SPPL2B: variants seen among roughly 807,000 people sequenced by gnomAD.
SPPL2B encodes signal peptide peptidase-like 2B.
Under a neutral mutation model 59.7 loss-of-function variants are expected in SPPL2B, and 39 were observed. The ratio of observed to expected loss-of-function variants is 0.65; its 90% confidence interval spans 0.51 to 0.85. The LOEUF (loss-of-function observed/expected upper bound fraction) is 0.85. SPPL2B is among the 40% of genes least tolerant of loss of function. SPPL2B has a pLI of 0.00. For missense variants in SPPL2B, 865 were observed against 849.0 expected (o/e 1.02, Z -0.23); for synonymous variants, 419 against 370.8 (o/e 1.13, Z -1.49).
chr19:2,348,404 C>T (rs1368791459), intron 13 of SPPL2B, among the ~76,000 whole-genome samples: 2 of 102,262 alleles, frequency 2.0e-5, no homozygotes, highest in Non-Finnish European at 4.0e-5. Context: ...CACAGACTCA[C>T]GCGCTCTCAT....
intron 1 of SPPL2B, chr19:2,330,886 A>T (rs1320481795): frequency 2.0e-5 from 3 of 152,200 alleles, no homozygotes. Flanking sequence ...GTGAGAGAGC[A>T]GGTGTTCCTG....
intron 5 of SPPL2B, chr19:2,339,559 A>C: frequency 1.7e-6 from 1 of 590,714 alleles, no homozygotes; most frequent in South Asian, 2.0e-5. Context: ...TGCAGATCCA[A>C]GCTGCGGTTG....
chr19:2,339,917 G>T lies in SPPL2B; in HGVS notation c.693G>T (p.Val231=). 6.4e-7 allele frequency: 1 copy of T among 1,570,636 alleles called. No individual in the cohort carries two copies. The highest frequency in any genetic ancestry group is 2.4e-5 in the East Asian group (1 of 42,528). ...VTPVMTCVFV[V]MCCSMLVLLY... is the part of the protein sequence containing the mutation. Reference sequence around the variant, plus strand: ...CGGTGATGACCTGCGTGTTTGTGGTGATGTGCTGCTCCATGCTGGTGCTGC... The same window carrying T: ...CGGTGATGACCTGCGTGTTTGTGGTTATGTGCTGCTCCATGCTGGTGCTGC... The change falls in exon 6 of 15, where the codon GTG becomes GTT. Residue 231 remains valine (V), a synonymous_variant. Transcript: ENST00000613503.
rs201257802 is a variant in SPPL2B at position 2,337,521 on chromosome 19, C to A, written c.265C>A (p.Gln89Lys). Reference sequence around the variant, plus strand: ...CCTCCCCGCCCGTGGCTTCAGCAACCAGATCCCGCTGGTGGCGCGGGGGAA... The same window carrying A: ...CCTCCCCGCCCGTGGCTTCAGCAACAAGATCCCGCTGGTGGCGCGGGGGAA... ...ADLPARGFSN[Q>K]IPLVARGNCT... Residue 89 changes from glutamine (Q) to lysine (K), a missense_variant, in exon 3 of 15, where the codon CAG becomes AAG. Transcript: ENST00000613503. 1,564 of 1,613,192 alleles carry A rather than the reference C, an allele frequency of 9.7e-4. 1 individual carries two copies. Among genetic ancestry groups the A allele is most frequent in the Middle Eastern group, 2.1e-3 (13 of 6,080 alleles).
At chr19:2,329,409 A>G (rs1447263458) in intron 1 of SPPL2B, among the ~76,000 whole-genome samples, 1 of 152,230 alleles carries the variant, frequency 6.6e-6, no homozygotes, top group African/African-American at 2.4e-5. Flanking sequence ...ACCAGCGCCC[A>G]GGGCCAACAG....
chr19:2,344,186 AC>A (rs1262688056), intron 10 of SPPL2B, 147 bp downstream of exon 10: 1 of 268,680 alleles, frequency 3.7e-6, no homozygotes, highest in Non-Finnish European at 7.0e-6. Flanking sequence ...CCTGCCCCCC[AC>A]CCCATCACCC....
intron 2 of SPPL2B, 109 bp downstream of exon 2, chr19:2,334,830 G>A: frequency 1.5e-6 from 2 of 1,370,232 alleles, no homozygotes; most frequent in South Asian, 1.5e-5. Context: ...CGAGAGGCAG[G>A]CCCTGACCAG....
chr19:2,346,084 A>G (rs984665916), intron 13 of SPPL2B, among the ~76,000 whole-genome samples: 1 of 152,166 alleles, frequency 6.6e-6, no homozygotes, highest in Non-Finnish European at 1.5e-5. Context: ...GTATTTACGC[A>G]AAGTGCTGTT....
Position 2,343,296 on chromosome 19 carries a change from A to T in SPPL2B, c.1038+4A>T. 4 of 1,551,666 alleles carry T rather than the reference A, an allele frequency of 2.6e-6. No individual in the cohort carries two copies. The highest frequency in any genetic ancestry group is 3.5e-6 in the Non-Finnish European group (4 of 1,147,060). On this transcript the variant is annotated splice_donor_region_variant and intron_variant, in intron 9 of 14. Transcript: ENST00000613503. ...CATCCGTCTGCCCACCTTCAAGGTG[A>T]GTGCAGGGAGGGCACGGCTGCGGGG... is the stretch of plus-strand genomic sequence containing the variant.
In SPPL2B at chr19:2,353,072, G is replaced by A; in HGVS notation, c.1642G>A (p.Glu548Lys). 6.2e-7 allele frequency: 1 copy of A among 1,611,892 alleles called. No homozygotes were observed. Among genetic ancestry groups the A allele is most frequent in the Non-Finnish European group, 8.5e-7 (1 of 1,179,568 alleles). Reference protein sequence around the residue: ...EEPATSPWPAEQSPKSRTSEE... With the variant: ...EEPATSPWPAKQSPKSRTSEE... ...ACCAGCCACATCCCCCTGGCCTGCT[G>A]AGCAGTCCCCAAAATCACGCACGTC... The change falls in exon 15 of 15, where the codon GAG (glutamate) becomes AAG (lysine). Residue 548 changes from glutamate to lysine, a missense_variant. By Grantham distance (56) the Glu-to-Lys change is moderately conservative. Coordinates refer to ENST00000613503, the MANE Select transcript of SPPL2B (RefSeq NM_152988.3).
chr19:2,337,473 T>TC lies in SPPL2B; in HGVS notation c.220dup (p.Leu74ProfsTer29). 6.2e-7 allele frequency: 1 copy of TC among 1,611,638 alleles called. No homozygotes were observed. The highest frequency in any genetic ancestry group is 8.5e-7 in the Non-Finnish European group (1 of 1,178,704). On this transcript the variant is annotated frameshift_variant, in exon 3 of 15. Transcript: ENST00000613503. LOFTEE classifies it high-confidence loss of function. ...CCTGCAGCTGCGCAACTGGACGGCC[T>TC]CCCTGCTCTGCTCCGCAGCCGACCT...
intron 7 of SPPL2B, 84 bp from the exon 8 acceptor site, chr19:2,340,814 G>A: frequency 4.0e-6 from 3 of 753,004 alleles, no homozygotes; most frequent in South Asian, 1.7e-5. Context: ...TGCAGGGGGT[G>A]CCTGGGCCGG....
In SPPL2B at chr19:2,345,230, C is replaced by T. The variant is rs778995016; in HGVS notation, c.1277-23C>T. ...CTGAGGCTCTGCGGGCCCGAGTAAG[C>T]CTCCGCCCTGTGCCTCCCCCAGGGC... On this transcript the variant is annotated intron_variant, in intron 12 of 14. Coordinates refer to ENST00000613503, the MANE Select transcript of SPPL2B (RefSeq NM_152988.3). 2.5e-6 allele frequency: 4 copies of T among 1,610,018 alleles called. No homozygotes were observed. In the Admixed American group the frequency reaches 5.0e-5, roughly 20 times the overall value.
Position 2,353,597 on chromosome 19 carries a change from G to C in SPPL2B, c.*388G>C, listed in dbSNP as rs570904332. 1 of 214,370 alleles carries C rather than the reference G, an allele frequency of 4.7e-6. No homozygotes were observed. The highest frequency in any genetic ancestry group is 1.3e-4 in the East Asian group (1 of 7,532). The allele number at this position is 214,370 out of a possible 1,614,324, so 13.3% of individuals were successfully genotyped here. On this transcript the variant is annotated 3_prime_UTR_variant, in exon 15 of 15. Coordinates refer to ENST00000613503, the MANE Select transcript of SPPL2B (RefSeq NM_152988.3). ...TGCTCACCAGCTGCTTCGGCCTTCA[G>C]GTGACCTCCCTCCCCACGGCATCCT... is the stretch of plus-strand genomic sequence containing the variant.
At position 2,344,624 on chromosome 19, in the gene SPPL2B, C is replaced by T; in HGVS notation, c.1248C>T (p.Leu416=). ...CCCTGTGTGACCGGCCCTTCTCCCT[C>T]CTGGGTTTCGGAGACATTTTGGTGC... ...PLALCDRPFS[L]LGFGDILVPG... The change falls in exon 12 of 15, where the codon CTC becomes CTT. Residue 416 remains leucine, a synonymous_variant. Transcript: ENST00000613503. 1 of 1,612,824 alleles carries T rather than the reference C, an allele frequency of 6.2e-7. No homozygotes were observed.
At position 2,338,911 on chromosome 19, in the gene SPPL2B, G is replaced by C. The variant is rs1222073067; in HGVS notation, c.459+70G>C. 2.6e-6 allele frequency: 4 copies of C among 1,540,374 alleles called. No homozygotes were observed. The East Asian group carries it at 7.0e-5, about 27-fold the overall frequency. Reference sequence around the variant, plus strand: ...CAGGGGGCTTCGGGCTGGCTGCCGGGGGGGTTTGTGCCTCAGTTGGTGGGA... The same window carrying C: ...CAGGGGGCTTCGGGCTGGCTGCCGGCGGGGTTTGTGCCTCAGTTGGTGGGA... On this transcript the variant is annotated intron_variant, in intron 4 of 14. Transcript: ENST00000613503.
At chr19:2,352,028 C>G (rs548635339) in intron 14 of SPPL2B, among the ~76,000 whole-genome samples, 1 of 152,280 alleles carries the variant, frequency 6.6e-6, no homozygotes, top group South Asian at 2.1e-4. Context: ...GGGCCCTGGA[C>G]GAGGGGAGCA....
chr19:2,353,310 C>A lies in SPPL2B; in HGVS notation c.*101C>A. On this transcript the variant is annotated 3_prime_UTR_variant, in exon 15 of 15. Transcript: ENST00000613503. ...CAGACAGACGCCTGTCCCCCGGGAC[C>A]GAGGCCTGTGCCGTCCCCACCCGCC... 2 of 1,385,636 alleles carry A rather than the reference C, an allele frequency of 1.4e-6. No homozygotes were observed. The highest frequency in any genetic ancestry group is 1.9e-6 in the Non-Finnish European group (2 of 1,045,656). The allele number at this position is 1,385,636 out of a possible 1,614,324, so 85.8% of individuals were successfully genotyped here.
In SPPL2B at chr19:2,334,864, C is replaced by G. The variant is rs905645856; in HGVS notation, c.186+143C>G. The G allele has an allele frequency of 2.7e-6, 3 of 1,131,682 alleles. No homozygotes were observed. In the South Asian group the frequency reaches 5.0e-5, roughly 19 times the overall value. 70.1% of individuals were successfully genotyped at this position (1,131,682 alleles called of 1,614,324 possible). A position where few individuals can be genotyped will look rare whatever the true frequency, so the allele number is the denominator to read the frequency against. On this transcript the variant is annotated intron_variant, in intron 2 of 14. Transcript: ENST00000613503. ...AGGTCTGGGGGACTCTTAGCTGGCC[C>G]CCAGTTCCCCTGGGCCTCCCCAACC... is the stretch of plus-strand genomic sequence containing the variant.
Sources: allele counts gnomAD v4.1 joint callset (sites outside exome capture counted in the v4.1 genomes callset), GRCh38; gene constraint gnomAD v4.1.1; transcripts MANE v1.5; gene names NCBI Gene and HGNC (gene_info 2026-07-23, HGNC 2026-07-21).